Variants in NINL observed in about 807,000 individuals in gnomAD.
NINL encodes ninein like.
NINL carries 153 observed loss-of-function variants against 160.3 expected under a neutral mutation model. The ratio of observed to expected loss-of-function variants is 0.95; its 90% CI spans 0.84 to 1.09. The LOEUF (loss-of-function observed/expected upper bound fraction) is 1.09, where lower values mean the gene tolerates loss of function less well. NINL is among the 50% of genes least tolerant of loss of function. The pLI is 0.00. For synonymous variants in NINL, 800 were observed against 734.8 expected (o/e 1.09, Z -1.43); for missense variants, 1,829 against 1,764.0 (o/e 1.04, Z -0.66).
At chr20:25,472,337 A>ATATATATG (rs1555845896) in intron 17 of NINL, among the ~76,000 whole-genome samples, 5 of 46,310 alleles carry the variant, frequency 1.1e-4, no homozygotes, top group African/African-American at 3.7e-4. Flanking sequence ...ATATATATAT[A>ATATATATG]TATATATATA....
chr20:25,578,151 C>T (rs1188925474), intron 1 of NINL, among the ~76,000 whole-genome samples: 2 of 150,256 alleles, frequency 1.3e-5, no homozygotes, highest in East Asian at 4.0e-4. Context: ...CACTCTGGCG[C>T]CCATGGAGTG....
chr20:25,502,534 G>A (rs912213635), intron 7 of NINL, among the ~76,000 whole-genome samples: 4 of 152,150 alleles, frequency 2.6e-5, no homozygotes, highest in African/African-American at 9.7e-5. Flanking sequence ...GGATCCTTTG[G>A]CAACTGATAT....
intron 1 of NINL, among the ~76,000 whole-genome samples, chr20:25,576,601 G>C (rs2065118182): frequency 6.6e-6 from 1 of 152,018 alleles, no homozygotes; most frequent in Non-Finnish European, 1.5e-5. Flanking sequence ...TTGAACCACA[G>C]GCACATGCCA....
intron 19 of NINL, among the ~76,000 whole-genome samples, chr20:25,465,673 G>T (rs1039139969): frequency 6.6e-6 from 1 of 152,136 alleles, no homozygotes; most frequent in Admixed American, 6.5e-5. Flanking sequence ...GGCCGTCAAC[G>T]CTGTGTTTGT....
At chr20:25,479,250 A>AATG (rs1046735471) in intron 15 of NINL, 44 bp from the exon 16 acceptor site, 1 of 1,551,100 alleles carries the variant, frequency 6.4e-7, no homozygotes, top group Non-Finnish European at 8.7e-7. Context: ...AGACCCTAAG[A>AATG]ATGATCTTGC....
intron 16 of NINL, among the ~76,000 whole-genome samples, chr20:25,477,658 G>C (rs888504574): frequency 6.6e-6 from 1 of 152,322 alleles, no homozygotes; most frequent in Non-Finnish European, 1.5e-5. Context: ...GCAAGGAAGT[G>C]GTTGGAGGGC....
intron 1 of NINL, among the ~76,000 whole-genome samples, chr20:25,547,001 T>A (rs1385514172): frequency 6.6e-6 from 1 of 152,178 alleles, no homozygotes; most frequent in Non-Finnish European, 1.5e-5. Flanking sequence ...AGGACACCAG[T>A]CATATAGAAC....
intron 9 of NINL, among the ~76,000 whole-genome samples, chr20:25,497,597 A>G (rs1365983198): frequency 6.6e-6 from 1 of 152,278 alleles, no homozygotes; most frequent in Non-Finnish European, 1.5e-5. Flanking sequence ...TCTGCTTAGC[A>G]GACGGATGGC....
chr20:25,494,628 GC>G (rs969235072), intron 10 of NINL, among the ~76,000 whole-genome samples: 84 of 152,310 alleles, frequency 5.5e-4, no homozygotes, highest in African/African-American at 1.9e-3. Context: ...GCGGGGTGAG[GC>G]CCCGCCCTGT....
chr20:25,504,918 C>A lies in NINL; in HGVS notation c.678G>T (p.Gln226His). ...TCTCGAGTCCCTGGAGCCCGACGCT[C>A]TGGCAGACCACAGCCAGCTCCTGCT... ...LSEQELAVVC[Q>H]SVGLQGLEKE... is the part of the protein sequence containing the mutation. The change falls in exon 6 of 24, where the codon CAG (glutamine) becomes CAT (histidine). Residue 226 changes from glutamine (Q) to histidine (H), a missense_variant. Transcript: ENST00000278886. The A allele has an allele frequency of 6.2e-7, 1 of 1,612,066 alleles. No homozygotes were observed. The highest frequency in any genetic ancestry group is 8.5e-7 in the Non-Finnish European group (1 of 1,179,954).
At chr20:25,487,810 G>C (rs2063533841) in intron 13 of NINL, among the ~76,000 whole-genome samples, 2 of 152,230 alleles carry the variant, frequency 1.3e-5, no homozygotes, top group Admixed American at 1.3e-4. Flanking sequence ...CTGCGGGCCA[G>C]AGCAGGGTGG....
In NINL at chr20:25,452,770, A is replaced by G. The variant is rs1166820442; in HGVS notation, c.*681T>C. The G allele has an allele frequency of 6.6e-6, 1 of 152,456 alleles. No homozygotes were observed. Among genetic ancestry groups the G allele is most frequent in the Non-Finnish European group, 1.5e-5 (1 of 68,010 alleles). The allele number at this position is 152,456 out of a possible 1,614,324, so 9.4% of individuals were successfully genotyped here. A position where few individuals can be genotyped will look rare whatever the true frequency, so the allele number is the denominator to read the frequency against. ...TTACAGTAGTACATTCCAATCAGCCATATGGCCATAATTTGCATACATTTC... is the reference window on the plus strand; with the variant it reads ...TTACAGTAGTACATTCCAATCAGCCGTATGGCCATAATTTGCATACATTTC... On this transcript the variant is annotated 3_prime_UTR_variant, in exon 24 of 24. Transcript: ENST00000278886.
intron 1 of NINL, 145 bp downstream of exon 1, chr20:25,585,310 C>T: frequency 6.6e-6 from 1 of 152,388 alleles, no homozygotes; most frequent in Non-Finnish European, 1.5e-5. Flanking sequence ...GCCGAGTCTG[C>T]GCCCCGCACC....
At chr20:25,541,175 G>A (rs1411151670) in intron 1 of NINL, among the ~76,000 whole-genome samples, 1 of 152,214 alleles carries the variant, frequency 6.6e-6, no homozygotes, top group African/African-American at 2.4e-5. Context: ...AAAGTCTCTG[G>A]TTTTAATGTG....
intron 1 of NINL, among the ~76,000 whole-genome samples, chr20:25,576,995 A>C (rs2065122897): frequency 6.6e-6 from 1 of 152,192 alleles, no homozygotes; most frequent in African/African-American, 2.4e-5. Context: ...TGCCCCTGCA[A>C]ACATCCTGCT....
At chr20:25,568,121 C>A (rs181911842) in intron 1 of NINL, among the ~76,000 whole-genome samples, 4 of 151,118 alleles carry the variant, frequency 2.6e-5, no homozygotes, top group Admixed American at 2.6e-4. Context: ...GAAAAAAAAT[C>A]AGTAAAACCC....
Position 25,472,246 on chromosome 20 carries a change from T to C in NINL, c.3249-2151A>G, listed in dbSNP as rs991647945. Among the ~76,000 whole-genome samples the C allele has an allele frequency of 2.1e-4, 31 of 146,350 alleles. 1 individual carries two copies. Among genetic ancestry groups the C allele is most frequent in the Non-Finnish European group, 3.4e-4 (23 of 66,960 alleles). ...TGTGATACAGACAGAAGATGGAAAATATAAAAGAGAGGTTGAGACATAAAG... is the reference window on the plus strand; with the variant it reads ...TGTGATACAGACAGAAGATGGAAAACATAAAAGAGAGGTTGAGACATAAAG... On this transcript the variant is annotated intron_variant, in intron 17 of 23. Transcript: ENST00000278886.
intron 15 of NINL, among the ~76,000 whole-genome samples, chr20:25,479,600 C>G (rs2063343819): frequency 6.6e-6 from 1 of 152,216 alleles, no homozygotes; most frequent in South Asian, 2.1e-4. Flanking sequence ...GCCGGAGCTT[C>G]CAGTTAATCC....
chr20:25,553,990 C>T (rs1303604277), intron 1 of NINL, among the ~76,000 whole-genome samples: 1 of 152,226 alleles, frequency 6.6e-6, no homozygotes, highest in Non-Finnish European at 1.5e-5. Context: ...GCAAGCCTTC[C>T]AGGCAGCTAT....
Sources: allele counts gnomAD v4.1 joint callset (sites outside exome capture counted in the v4.1 genomes callset), GRCh38; gene constraint gnomAD v4.1.1; transcripts MANE v1.5; gene names NCBI Gene and HGNC (gene_info 2026-07-23, HGNC 2026-07-21).